The following DOK6 variants were observed in gnomAD, a reference collection of about 807,000 sequenced individuals.
DOK6 encodes docking protein 6.
A neutral mutation model predicts 44.0 loss-of-function variants in DOK6; 22 were observed. The ratio of observed to expected loss-of-function variants is 0.50; its 90% confidence interval spans 0.36 to 0.71. The LOEUF is 0.71. Ranked by LOEUF, DOK6 falls within the 30% of genes least tolerant of loss-of-function variation. DOK6 has a pLI of 0.00. For synonymous variants in DOK6, 166 were observed against 145.5 expected (o/e 1.14, Z -1.01); for missense variants, 340 against 416.4 (o/e 0.82, Z 1.60).
At chr18:69,624,370 C>A (rs531246189) in intron 3 of DOK6, among the ~76,000 whole-genome samples, 11 of 152,084 alleles carry the variant, frequency 7.2e-5, no homozygotes, top group Non-Finnish European at 1.3e-4. Context: ...TTTGCAGCCA[C>A]TTCTATAAAA....
At chr18:69,693,981 C>T (rs946562984) in intron 4 of DOK6, among the ~76,000 whole-genome samples, 56 of 142,580 alleles carry the variant, frequency 3.9e-4, no homozygotes, top group Admixed American at 1.4e-3. Flanking sequence ...ATGGCGTGAA[C>T]CCGGGAGGCG....
At chr18:69,627,593 C>T (rs1289199440) in intron 3 of DOK6, among the ~76,000 whole-genome samples, 6 of 152,160 alleles carry the variant, frequency 3.9e-5, no homozygotes, top group South Asian at 2.1e-4. Flanking sequence ...GGACTGCAGG[C>T]GCCCGCCACC....
intron 7 of DOK6, among the ~76,000 whole-genome samples, chr18:69,811,576 A>ATATC (rs1981238005): frequency 7.2e-5 from 1 of 13,950 alleles, no homozygotes; most frequent in Non-Finnish European, 2.9e-4. Context: ...ATATATATAT[A>ATATC]TCAAAACACT....
chr18:69,584,275 T>C (rs1983445778), intron 2 of DOK6, among the ~76,000 whole-genome samples: 1 of 151,872 alleles, frequency 6.6e-6, no homozygotes, highest in African/African-American at 2.4e-5. Flanking sequence ...AAAATCAGGG[T>C]TTTTTGTTGT....
At chr18:69,586,061 A>G (rs930786433) in intron 2 of DOK6, among the ~76,000 whole-genome samples, 2 of 152,210 alleles carry the variant, frequency 1.3e-5, no homozygotes, top group Non-Finnish European at 2.9e-5. Flanking sequence ...TGGCCAACTC[A>G]TGGTAGTTCT....
chr18:69,670,532 T>C (rs1408638406), intron 3 of DOK6, among the ~76,000 whole-genome samples: 2 of 140,704 alleles, frequency 1.4e-5, no homozygotes, highest in East Asian at 4.3e-4. Context: ...TTTTTTTGAG[T>C]CAGAGTCTCA....
chr18:69,788,478 G>A (rs1261234628), intron 7 of DOK6, among the ~76,000 whole-genome samples: 1 of 152,152 alleles, frequency 6.6e-6, no homozygotes, highest in Non-Finnish European at 1.5e-5. Context: ...ATGCAGAATG[G>A]AAGTTTTCAA....
intron 7 of DOK6, among the ~76,000 whole-genome samples, chr18:69,810,292 A>G (rs1286439161): frequency 6.6e-6 from 1 of 152,056 alleles, no homozygotes; most frequent in Non-Finnish European, 1.5e-5. Context: ...CACATCTCAC[A>G]TAATATACAA....
chr18:69,705,020 G>A (rs367574994), intron 5 of DOK6: 1 of 152,290 alleles, frequency 6.6e-6, no homozygotes, highest in South Asian at 2.1e-4. Context: ...AGGATATGTG[G>A]CTGGGCCCTC....
At chr18:69,764,970 C>A (rs539654288) in intron 7 of DOK6, among the ~76,000 whole-genome samples, 1 of 152,116 alleles carries the variant, frequency 6.6e-6, no homozygotes, top group Non-Finnish European at 1.5e-5. Context: ...AGGCATTTGA[C>A]GCTCACGGAA....
rs1388052640 is a variant in DOK6, at chr18:69,642,360, CAGATTTCAGTCA to C, written c.290-35370_290-35359del. On this transcript the variant is annotated intron_variant, in intron 3 of 7. Coordinates refer to ENST00000382713, the MANE Select transcript of DOK6 (RefSeq NM_152721.6). ...TTTTATTTTATTTTATTTTTTGCTC[CAGATTTCAGTCA>C]AGAACCACTTGTTTGCTAGGCATGG... Among the ~76,000 whole-genome samples the C allele has an allele frequency of 3.3e-5, 5 of 151,340 alleles. No individual in the cohort carries two copies. The East Asian group carries it at 9.8e-4, about 30-fold the overall frequency.
chr18:69,628,561 C>T (rs1477469231), intron 3 of DOK6, among the ~76,000 whole-genome samples: 1 of 152,048 alleles, frequency 6.6e-6, no homozygotes, highest in East Asian at 1.9e-4. Context: ...TACTCTAGAG[C>T]TCCTCAGAGC....
chr18:69,719,141 T>A (rs905933636), intron 5 of DOK6, among the ~76,000 whole-genome samples: 1 of 152,132 alleles, frequency 6.6e-6, no homozygotes, highest in Non-Finnish European at 1.5e-5. Flanking sequence ...ATCAGCCAAA[T>A]GGAAGGACAG....
chr18:69,521,727 G>A (rs78277849), intron 1 of DOK6, among the ~76,000 whole-genome samples: 6,518 of 151,986 alleles, frequency 0.043, 209 homozygotes, highest in Admixed American at 0.095. Context: ...ACAATTAGGA[G>A]AAATAAGTTC....
At chr18:69,587,459 G>A (rs1374044981) in intron 2 of DOK6, among the ~76,000 whole-genome samples, 1 of 152,076 alleles carries the variant, frequency 6.6e-6, no homozygotes, top group African/African-American at 2.4e-5. Flanking sequence ...ACTAAATTTA[G>A]AATGATGTCC....
At chr18:69,639,031 A>G (rs73459990) in intron 3 of DOK6, among the ~76,000 whole-genome samples, 2,641 of 152,314 alleles carry the variant, frequency 0.017, 72 homozygotes, top group African/African-American at 0.06. Flanking sequence ...CTGAAATCAC[A>G]AAGCTGGTAA....
intron 7 of DOK6, among the ~76,000 whole-genome samples, chr18:69,760,797 A>G (rs9967466): frequency 8.6e-5 from 5 of 58,340 alleles, no homozygotes; most frequent in Admixed American, 1.8e-4. Context: ...GGTGTTTTCT[A>G]TCTAGTAGGA....
At chr18:69,761,470 C>T (rs991383085) in intron 7 of DOK6, among the ~76,000 whole-genome samples, 3 of 152,150 alleles carry the variant, frequency 2.0e-5, no homozygotes, top group African/African-American at 4.8e-5. Flanking sequence ...CCTGCTGTAA[C>T]ATTTCTCACC....
intron 5 of DOK6, among the ~76,000 whole-genome samples, chr18:69,721,625 C>G (rs1209943461): frequency 6.6e-6 from 1 of 152,234 alleles, no homozygotes; most frequent in Non-Finnish European, 1.5e-5. Flanking sequence ...TGTCTTGACA[C>G]TAGTCATCCA....
Sources: allele counts gnomAD v4.1 joint callset (sites outside exome capture counted in the v4.1 genomes callset), GRCh38; gene constraint gnomAD v4.1.1; transcripts MANE v1.5; gene names NCBI Gene and HGNC (gene_info 2026-07-23, HGNC 2026-07-21).